Variants in PRKN observed in about 807,000 individuals in gnomAD.
PRKN encodes E3 ubiquitin-protein ligase parkin.
In PRKN, 56 loss-of-function variants were observed where a neutral mutation model predicts 59.5. That is an observed-to-expected ratio of 0.94 (90% CI 0.76 to 1.18). The LOEUF (loss-of-function observed/expected upper bound fraction) is 1.18, where lower values mean the gene tolerates loss of function less well. PRKN is among the 50% of genes most tolerant of loss of function. The probability of loss-of-function intolerance (pLI) is 0.00; values close to 1 mark genes in which losing one functional copy is unlikely to be tolerated. For synonymous variants in PRKN, 250 were observed against 222.1 expected (o/e 1.13, Z -1.12); for missense variants, 657 against 596.4 (o/e 1.10, Z -1.06).
chr6:161,851,535 G>A (rs747374751), intron 6 of PRKN, among the ~76,000 whole-genome samples: 28 of 151,456 alleles, frequency 1.8e-4, no homozygotes, highest in Non-Finnish European at 2.8e-4. Flanking sequence ...AGGCTGGAAT[G>A]CAGTGGCGTG....
chr6:162,249,409 A>G (rs1304265025), intron 3 of PRKN, among the ~76,000 whole-genome samples: 1 of 152,176 alleles, frequency 6.6e-6, no homozygotes, highest in African/African-American at 2.4e-5. Flanking sequence ...TTCATCAAAC[A>G]CAGCGGCACG....
intron 4 of PRKN, among the ~76,000 whole-genome samples, chr6:162,126,528 C>T (rs141513661): frequency 2.6e-5 from 4 of 152,178 alleles, no homozygotes; most frequent in Non-Finnish European, 4.4e-5. Flanking sequence ...CAAAGTCACA[C>T]ATTTTCACAA....
chr6:161,479,330 T>C (rs1334932810), intron 9 of PRKN, among the ~76,000 whole-genome samples: 1 of 152,218 alleles, frequency 6.6e-6, no homozygotes, highest in Admixed American at 6.5e-5. Context: ...CAAGTGTGGG[T>C]ATGTATCCTA....
At chr6:161,736,880 G>A (rs1787986371) in intron 7 of PRKN, among the ~76,000 whole-genome samples, 1 of 152,188 alleles carries the variant, frequency 6.6e-6, no homozygotes, top group Non-Finnish European at 1.5e-5. Context: ...TTTGTGTTTT[G>A]TCTGAGGCTT....
intron 7 of PRKN, among the ~76,000 whole-genome samples, chr6:161,735,008 T>G (rs1381860843): frequency 6.8e-6 from 1 of 148,142 alleles, no homozygotes; most frequent in East Asian, 2.0e-4. Context: ...TTTTAGGGAT[T>G]ATAAACAAGC....
intron 7 of PRKN, among the ~76,000 whole-genome samples, chr6:161,762,589 AC>A (rs1219772347): frequency 6.6e-6 from 1 of 152,202 alleles, no homozygotes; most frequent in African/African-American, 2.4e-5. Flanking sequence ...ATCATGAGAA[AC>A]TGAAATTTAA....
At chr6:162,445,407 C>A (rs1790259470) in intron 1 of PRKN, among the ~76,000 whole-genome samples, 1 of 152,078 alleles carries the variant, frequency 6.6e-6, no homozygotes, top group Non-Finnish European at 1.5e-5. Context: ...AAAGTCCAGG[C>A]CAGGCACAAT....
At chr6:162,556,191 A>G (rs888557682) in intron 1 of PRKN, among the ~76,000 whole-genome samples, 1 of 152,098 alleles carries the variant, frequency 6.6e-6, no homozygotes, top group Non-Finnish European at 1.5e-5. Context: ...AAGACATATT[A>G]TAACTCGGAA....
Position 161,405,605 on chromosome 6 carries a change from T to A in PRKN, c.1084-18728A>T, listed in dbSNP as rs1027605911. Among the ~76,000 whole-genome samples the A allele has an allele frequency of 7.6e-6, 1 of 131,288 alleles. No individual in the cohort carries two copies. 86.1% of individuals were successfully genotyped at this position (131,288 alleles called of 152,430 possible). On this transcript the variant is annotated intron_variant, in intron 9 of 11. Coordinates refer to ENST00000366898, the MANE Select transcript of PRKN (RefSeq NM_004562.3). This position sits in a 1 kb window ranked among gnomAD's most constrained non-coding sequence, Gnocchi z 5.1. Reference sequence around the variant, plus strand: ...CTAAAAAATAAAATAAAATAAAAATTAAAAATAAATAAATAAATAAATAAA... The same window carrying A: ...CTAAAAAATAAAATAAAATAAAAATAAAAAATAAATAAATAAATAAATAAA...
intron 7 of PRKN, among the ~76,000 whole-genome samples, chr6:161,626,358 A>G (rs1783087884): frequency 6.6e-6 from 1 of 152,104 alleles, no homozygotes; most frequent in African/African-American, 2.4e-5. Flanking sequence ...CCGAACTACC[A>G]CCCATGTGTA....
intron 4 of PRKN, among the ~76,000 whole-genome samples, chr6:162,091,814 A>G (rs1037193923): frequency 1.4e-4 from 21 of 152,170 alleles, no homozygotes; most frequent in African/African-American, 5.1e-4. Context: ...AGGTGGGCGG[A>G]CCACTTGGGC....
At chr6:161,482,754 G>T (rs1461853327) in intron 9 of PRKN, among the ~76,000 whole-genome samples, 1 of 152,122 alleles carries the variant, frequency 6.6e-6, no homozygotes, top group African/African-American at 2.4e-5. Flanking sequence ...TTCTGGCATT[G>T]TTTCTGGGTC....
At chr6:162,563,081 T>A (rs1407188528) in intron 1 of PRKN, among the ~76,000 whole-genome samples, 2 of 152,028 alleles carry the variant, frequency 1.3e-5, no homozygotes, top group Non-Finnish European at 2.9e-5. Flanking sequence ...GGCGGGCGGA[T>A]CATGAAGTCA....
At chr6:161,941,354 C>A (rs1381607151) in intron 6 of PRKN, among the ~76,000 whole-genome samples, 1 of 152,236 alleles carries the variant, frequency 6.6e-6, no homozygotes, top group Non-Finnish European at 1.5e-5. Context: ...ATGTTGGCCA[C>A]TGACTGGCAG....
chr6:162,535,843 G>T (rs1355738433), intron 1 of PRKN, among the ~76,000 whole-genome samples: 1 of 151,564 alleles, frequency 6.6e-6, no homozygotes, highest in Non-Finnish European at 1.5e-5. Context: ...GGGAGGCAGA[G>T]GTTGCAATGA....
In PRKN at chr6:161,581,439, T is replaced by A. The variant is rs937524020; in HGVS notation, c.872-12023A>T. Among the ~76,000 whole-genome samples the A allele has an allele frequency of 6.6e-6, 1 of 152,266 alleles. No homozygotes were observed. Among genetic ancestry groups the A allele is most frequent in the Non-Finnish European group, 1.5e-5 (1 of 68,020 alleles). ...TTAACTACCATGCCCAATAAGTACATAAGCAAAAGGAGTTTTTTTGAGAAG... is the reference window on the plus strand; with the variant it reads ...TTAACTACCATGCCCAATAAGTACAAAAGCAAAAGGAGTTTTTTTGAGAAG... On this transcript the variant is annotated intron_variant, in intron 7 of 11. Coordinates refer to ENST00000366898, the MANE Select transcript of PRKN (RefSeq NM_004562.3). This position sits in a 1 kb window ranked among gnomAD's most constrained non-coding sequence, Gnocchi z 4.5.
At chr6:162,217,900 T>TA (rs1418124155) in intron 3 of PRKN, among the ~76,000 whole-genome samples, 1 of 152,132 alleles carries the variant, frequency 6.6e-6, no homozygotes, top group Non-Finnish European at 1.5e-5. Context: ...TAGGAATCCT[T>TA]AATCTATCCG....
chr6:162,227,635 C>A (rs76202566), intron 3 of PRKN, among the ~76,000 whole-genome samples: 4,399 of 152,196 alleles, frequency 0.029, 206 homozygotes, highest in African/African-American at 0.1. Context: ...AAGCTGAGGT[C>A]TAATTTGACA....
At chr6:161,703,030 T>TAAAAAAAA (rs538755289) in intron 7 of PRKN, among the ~76,000 whole-genome samples, 1 of 104,804 alleles carries the variant, frequency 9.5e-6, no homozygotes, top group Non-Finnish European at 2.1e-5. Context: ...GATTCAACAG[T>TAAAAAAAA]AAAAAAAAAA....
Sources: allele counts gnomAD v4.1 joint callset (sites outside exome capture counted in the v4.1 genomes callset), GRCh38; gene constraint gnomAD v4.1.1; non-coding constraint Gnocchi (gnomAD v3.1); transcripts MANE v1.5; gene names NCBI Gene and HGNC (gene_info 2026-07-23, HGNC 2026-07-21).